MND1: variants seen among roughly 807,000 people sequenced by gnomAD.
The protein encoded by MND1 is meiotic nuclear divisions 1.
In MND1, 28 loss-of-function variants were observed where a neutral mutation model predicts 35.1. The ratio of observed to expected loss-of-function variants is 0.80; its 90% CI spans 0.59 to 1.09. The LOEUF is 1.09. MND1 is among the 50% of genes least tolerant of loss of function. MND1 has a pLI of 0.00. For synonymous variants in MND1, 69 were observed against 70.5 expected (o/e 0.98, Z 0.11); for missense variants, 213 against 239.6 (o/e 0.89, Z 0.73).
intron 4 of MND1, among the ~76,000 whole-genome samples, chr4:153,365,723 G>A (rs544035464): frequency 2.6e-5 from 4 of 151,952 alleles, no homozygotes; most frequent in African/African-American, 7.3e-5. Flanking sequence ...TCTCAGCCTC[G>A]CAAAGTTCTG....
intron 4 of MND1, among the ~76,000 whole-genome samples, chr4:153,382,270 T>A (rs1393084524): frequency 6.6e-6 from 1 of 152,228 alleles, no homozygotes; most frequent in African/African-American, 2.4e-5. Flanking sequence ...TTTTAAATTA[T>A]ATTAATTGTT....
Position 153,344,744 on chromosome 4 carries a change from AG to A in MND1, c.3+6del, listed in dbSNP as rs777531110. ...AAGCCCCTGCGCCCGCGCCATGGTA[AG>A]GACTGAGGCTACGGTCCCGCGTCTT... On this transcript the variant is annotated splice_donor_5th_base_variant and intron_variant, in intron 1 of 7. Coordinates refer to ENST00000240488, the MANE Select transcript of MND1 (RefSeq NM_032117.4). 6.2e-7 allele frequency: 1 copy of A among 1,600,224 alleles called. No homozygotes were observed. Among genetic ancestry groups the A allele is most frequent in the South Asian group, 1.1e-5 (1 of 88,952 alleles).
chr4:153,344,763 C>G, intron 1 of MND1, 23 bp downstream of exon 1: 1 of 1,600,296 alleles, frequency 6.2e-7, no homozygotes, highest in South Asian at 1.1e-5. Context: ...GCTACGGTCC[C>G]GCGTCTTCTT....
At chr4:153,394,790 A>T (rs1426497984) in intron 5 of MND1, among the ~76,000 whole-genome samples, 2 of 152,184 alleles carry the variant, frequency 1.3e-5, no homozygotes, top group Non-Finnish European at 2.9e-5. Context: ...AAAACTATCA[A>T]CATAGTATCT....
chr4:153,377,764 C>G (rs1728551832), intron 4 of MND1, among the ~76,000 whole-genome samples: 1 of 152,184 alleles, frequency 6.6e-6, no homozygotes, highest in South Asian at 2.1e-4. Context: ...AGGGAGTAGA[C>G]TCTAGACCTA....
intron 4 of MND1, among the ~76,000 whole-genome samples, chr4:153,386,046 G>A (rs1472603371): frequency 6.6e-6 from 1 of 152,174 alleles, no homozygotes; most frequent in African/African-American, 2.4e-5. Context: ...GTACCATCTT[G>A]CGTGGGATTT....
chr4:153,382,855 A>G (rs1029258228), intron 4 of MND1, among the ~76,000 whole-genome samples: 1 of 152,242 alleles, frequency 6.6e-6, no homozygotes, highest in South Asian at 2.1e-4. Context: ...CTTAATTCTC[A>G]TAAGTATTCA....
intron 4 of MND1, among the ~76,000 whole-genome samples, chr4:153,358,860 ATT>A (rs1407254250): frequency 6.6e-6 from 1 of 151,940 alleles, no homozygotes; most frequent in Non-Finnish European, 1.5e-5. Context: ...TTGTTTTTTA[ATT>A]TTCTCTTTAT....
At chr4:153,379,849 CAAAAAAAAAAAA>C (rs34034237) in intron 4 of MND1, among the ~76,000 whole-genome samples, 37 of 62,496 alleles carry the variant, frequency 5.9e-4, no homozygotes, top group African/African-American at 1.8e-3. Context: ...GACTCCATCT[CAAAAAAAAAAAA>C]AAAAAAAAAA....
At chr4:153,373,172 C>T (rs956634327) in intron 4 of MND1, among the ~76,000 whole-genome samples, 1 of 151,952 alleles carries the variant, frequency 6.6e-6, no homozygotes, top group East Asian at 1.9e-4. Flanking sequence ...GGTGTCTAGA[C>T]CATTTACATT....
intron 3 of MND1, 27 bp downstream of exon 3, chr4:153,355,738 T>G (rs1481055392): frequency 7.2e-7 from 1 of 1,383,674 alleles, no homozygotes; most frequent in East Asian, 2.3e-5. Context: ...TACTGGAATG[T>G]TTTGGGAAAT....
intron 4 of MND1, among the ~76,000 whole-genome samples, chr4:153,380,765 C>T (rs6835795): frequency 0.28 from 42,015 of 151,940 alleles, 6,586 homozygotes; most frequent in African/African-American, 0.43. Context: ...TGAAATTAAA[C>T]GACTCAAAGA....
intron 6 of MND1, among the ~76,000 whole-genome samples, chr4:153,400,269 G>C (rs1432803575): frequency 6.6e-6 from 1 of 152,138 alleles, no homozygotes; most frequent in Non-Finnish European, 1.5e-5. Flanking sequence ...ATGCAACCAT[G>C]TAAAGATGGA....
intron 4 of MND1, among the ~76,000 whole-genome samples, chr4:153,384,258 CTTTTTTTTTT>C (rs35214226): frequency 5.4e-5 from 3 of 55,358 alleles, no homozygotes; most frequent in African/African-American, 7.7e-5. Flanking sequence ...CTACTTTCTG[CTTTTTTTTTT>C]TTTTTTTTTT....
At chr4:153,398,820 C>T (rs932442498) in intron 6 of MND1, among the ~76,000 whole-genome samples, 11 of 152,232 alleles carry the variant, frequency 7.2e-5, no homozygotes, top group African/African-American at 2.7e-4. Context: ...AGGTGATCCT[C>T]AGTGAGCACA....
chr4:153,356,843 C>T (rs1011549787), intron 3 of MND1, among the ~76,000 whole-genome samples: 1 of 151,780 alleles, frequency 6.6e-6, no homozygotes, highest in South Asian at 2.1e-4. Context: ...TACTCTGTCA[C>T]CCAGGCTGGA....
chr4:153,366,694 C>T (rs537146890), intron 4 of MND1, among the ~76,000 whole-genome samples: 5 of 152,140 alleles, frequency 3.3e-5, no homozygotes, highest in Non-Finnish European at 7.3e-5. Flanking sequence ...ATTACTCACA[C>T]TAGTGGGTTT....
intron 2 of MND1, among the ~76,000 whole-genome samples, chr4:153,353,506 T>A (rs1235649500): frequency 1.3e-5 from 2 of 148,548 alleles, no homozygotes; most frequent in Middle Eastern, 7.0e-3. Flanking sequence ...AGGAGTTCTT[T>A]ATATACGTAT....
chr4:153,347,779 A>C lies in MND1; in HGVS notation c.4-2285A>C, dbSNP rs565550861. Among the ~76,000 whole-genome samples, 114 of 152,188 alleles carry C rather than the reference A, an allele frequency of 7.5e-4. No individual in the cohort carries two copies. The South Asian group carries it at 0.023, about 30-fold the overall frequency. On this transcript the variant is annotated intron_variant, in intron 1 of 7. Coordinates refer to ENST00000240488, the MANE Select transcript of MND1 (RefSeq NM_032117.4). ...TTCTAGGTGGAGGAACATTTTTTTT[A>C]AGGATGGAAATGAGAGCATTCTTCG... is the stretch of plus-strand genomic sequence containing the variant.
Sources: allele counts gnomAD v4.1 joint callset (sites outside exome capture counted in the v4.1 genomes callset), GRCh38; gene constraint gnomAD v4.1.1; transcripts MANE v1.5; gene names NCBI Gene and HGNC (gene_info 2026-07-23, HGNC 2026-07-21).